CACNB2: variants seen among roughly 807,000 people sequenced by gnomAD.
The protein encoded by CACNB2 is calcium voltage-gated channel auxiliary subunit beta 2, also known as voltage-dependent L-type calcium channel subunit beta-2.
Under a neutral mutation model 73.3 loss-of-function variants are expected in CACNB2, and 42 were observed. That is an observed-to-expected ratio of 0.57 (90% CI 0.45 to 0.74). The LOEUF (loss-of-function observed/expected upper bound fraction) is 0.74, where lower values mean the gene tolerates loss of function less well. Among genes scored for constraint, CACNB2 ranks in the 30% least tolerant of loss-of-function variants. The probability of loss-of-function intolerance (pLI) is 0.00; values close to 1 mark genes in which losing one functional copy is unlikely to be tolerated. For missense variants in CACNB2, 940 were observed against 853.0 expected (o/e 1.10, Z -1.27); for synonymous variants, 348 against 310.3 (o/e 1.12, Z -1.28).
At chr10:18,169,869 G>A (rs1028825462) in intron 2 of CACNB2, among the ~76,000 whole-genome samples, 1 of 152,196 alleles carries the variant, frequency 6.6e-6, no homozygotes, top group African/African-American at 2.4e-5. Context: ...AAGCAACAAG[G>A]ACATTTATGG....
intron 2 of CACNB2, among the ~76,000 whole-genome samples, chr10:18,347,446 C>G (rs565348387): frequency 2.0e-5 from 3 of 149,218 alleles, no homozygotes; most frequent in Non-Finnish European, 3.0e-5. Flanking sequence ...CCACCTTGGC[C>G]TCTCAAAGTG....
chr10:18,277,218 GGAAA>G (rs1220051179), intron 2 of CACNB2, among the ~76,000 whole-genome samples: 1 of 152,214 alleles, frequency 6.6e-6, no homozygotes, highest in African/African-American at 2.4e-5. Flanking sequence ...CATGGAAAAG[GGAAA>G]GAGTCAGCCA....
At chr10:18,495,301 C>G (rs1276822087) in intron 3 of CACNB2, among the ~76,000 whole-genome samples, 1 of 151,430 alleles carries the variant, frequency 6.6e-6, no homozygotes. Flanking sequence ...CTCACTGCAG[C>G]CTCTGCCTCC....
At chr10:18,434,817 G>A (rs189481943) in intron 3 of CACNB2, among the ~76,000 whole-genome samples, 2 of 152,278 alleles carry the variant, frequency 1.3e-5, no homozygotes, top group Middle Eastern at 3.4e-3. Context: ...AAGGAAGCAG[G>A]CACTCCCCTA....
At chr10:18,206,238 C>G (rs998485732) in intron 2 of CACNB2, 15 of 152,396 alleles carry the variant, frequency 9.8e-5, no homozygotes, top group African/African-American at 2.9e-4. Context: ...GTGATTCACC[C>G]GCCTCAGCTT....
At chr10:18,354,875 A>C (rs1281968758) in intron 2 of CACNB2, among the ~76,000 whole-genome samples, 1 of 152,182 alleles carries the variant, frequency 6.6e-6, no homozygotes, top group South Asian at 2.1e-4. Context: ...CTGAAGCTCA[A>C]TATTACAGGT....
chr10:18,238,501 G>C (rs2036532103), intron 2 of CACNB2: 1 of 152,006 alleles, frequency 6.6e-6, no homozygotes, highest in Non-Finnish European at 1.5e-5. Context: ...TGATTAATAT[G>C]TTTTCCATCC....
intron 2 of CACNB2, among the ~76,000 whole-genome samples, chr10:18,220,243 A>T (rs1356405097): frequency 5.6e-5 from 5 of 89,340 alleles, no homozygotes; most frequent in African/African-American, 3.0e-4. Flanking sequence ...AGAGAGAGAG[A>T]GAGAGAGAGA....
intron 11 of CACNB2, among the ~76,000 whole-genome samples, chr10:18,535,551 T>A (rs1011994359): frequency 2.0e-5 from 3 of 151,902 alleles, no homozygotes; most frequent in Non-Finnish European, 4.4e-5. Flanking sequence ...GGTGGGAGGA[T>A]CATGAGGTCA....
At chr10:18,362,983 T>TA (rs1207181588) in intron 2 of CACNB2, among the ~76,000 whole-genome samples, 7 of 152,112 alleles carry the variant, frequency 4.6e-5, no homozygotes, top group African/African-American at 1.7e-4. Flanking sequence ...TTAAGTGACT[T>TA]CATTAACTCT....
At chr10:18,285,051 A>C (rs1180401601) in intron 2 of CACNB2, among the ~76,000 whole-genome samples, 3 of 152,242 alleles carry the variant, frequency 2.0e-5, no homozygotes, top group African/African-American at 7.2e-5. Context: ...AGCAGTCAGC[A>C]GTTCTGTGCT....
At chr10:18,303,485 A>T (rs1036474639) in intron 2 of CACNB2, among the ~76,000 whole-genome samples, 2 of 152,116 alleles carry the variant, frequency 1.3e-5, no homozygotes. Flanking sequence ...AGCCTGCGTG[A>T]TAGAGCAAGG....
chr10:18,202,993 A>T (rs1391538014), intron 2 of CACNB2, among the ~76,000 whole-genome samples: 1 of 152,218 alleles, frequency 6.6e-6, no homozygotes, highest in Non-Finnish European at 1.5e-5. Context: ...TAAGCGAGCC[A>T]TCACTGAACA....
At chr10:18,349,069 G>A (rs1398999499) in intron 2 of CACNB2, among the ~76,000 whole-genome samples, 1 of 152,228 alleles carries the variant, frequency 6.6e-6, no homozygotes, top group East Asian at 1.9e-4. Flanking sequence ...GCAGTGAGCT[G>A]TGATCGTGCT....
chr10:18,367,699 A>G (rs1024834074), intron 2 of CACNB2, among the ~76,000 whole-genome samples: 4 of 152,212 alleles, frequency 2.6e-5, no homozygotes, highest in African/African-American at 9.6e-5. Context: ...AACAGACAGT[A>G]AATGTAGTCA....
chr10:18,234,471 C>A (rs576201199), intron 2 of CACNB2, among the ~76,000 whole-genome samples: 103 of 152,142 alleles, frequency 6.8e-4, no homozygotes, highest in African/African-American at 2.3e-3. Context: ...TCACAATAGC[C>A]AAAAAGATGG....
At chr10:18,168,041 A>G (rs1464557134) in intron 2 of CACNB2, among the ~76,000 whole-genome samples, 2 of 151,962 alleles carry the variant, frequency 1.3e-5, no homozygotes, top group African/African-American at 4.8e-5. Flanking sequence ...ATGAGTAATC[A>G]TGCAGACATT....
chr10:18,327,749 C>A (rs1209280439), intron 2 of CACNB2, among the ~76,000 whole-genome samples: 1 of 152,088 alleles, frequency 6.6e-6, no homozygotes, highest in Non-Finnish European at 1.5e-5. Flanking sequence ...TTTCAATGAC[C>A]ACATTTATAC....
At chr10:18,531,627 C>T (rs1322961815) in intron 10 of CACNB2, among the ~76,000 whole-genome samples, 3 of 152,190 alleles carry the variant, frequency 2.0e-5, no homozygotes, top group Admixed American at 6.5e-5. Flanking sequence ...ACACTCCCAT[C>T]AACAGTGTAT....
Sources: allele counts gnomAD v4.1 joint callset (sites outside exome capture counted in the v4.1 genomes callset), GRCh38; gene constraint gnomAD v4.1.1; transcripts MANE v1.5; gene names NCBI Gene and HGNC (gene_info 2026-07-23, HGNC 2026-07-21).